The following MOCS3 variants were observed in gnomAD, a reference collection of about 807,000 sequenced individuals.
MOCS3 encodes the protein adenylyltransferase and sulfurtransferase MOCS3.
In MOCS3, 9 loss-of-function variants were observed where a neutral mutation model predicts 8.4. The ratio of observed to expected loss-of-function variants is 1.07; its 90% CI spans 0.65 to 1.87. MOCS3 has a LOEUF of 1.87. Among genes scored for constraint, MOCS3 ranks in the 40% most tolerant of loss-of-function variants. MOCS3 has a pLI of 0.00. For synonymous variants in MOCS3, 294 were observed against 272.0 expected, an observed-to-expected ratio of 1.08 and a Z score of -0.80; for missense variants, 581 against 599.7, an observed-to-expected ratio of 0.97 and a Z score of 0.33.
Position 50,960,327 on chromosome 20 carries a change from TACA to T in MOCS3, c.*103_*105del. The stretch of plus-strand genomic sequence containing the variant: ...TAATATACATAGGAGCTGGGGATTC[TACA>T]GTATCTGTGAATACGTGGACTCCTT... On this transcript the variant is annotated 3_prime_UTR_variant, in exon 1 of 1. Coordinates refer to ENST00000244051, the MANE Select transcript of MOCS3 (RefSeq NM_014484.5). 2.4e-6 allele frequency: 3 copies of T among 1,258,554 alleles called. No homozygotes were observed. Among genetic ancestry groups the T allele is most frequent in the Non-Finnish European group, 3.2e-6 (3 of 925,146 alleles). The allele number at this position is 1,258,554 out of a possible 1,614,324, so 78.0% of individuals were successfully genotyped here. A position where few individuals can be genotyped will look rare whatever the true frequency, so the allele number is the denominator to read the frequency against.
chr20:50,962,947 T>G lies in MOCS3; in HGVS notation c.*2722T>G, dbSNP rs1987132179. The G allele has an allele frequency of 2.0e-5, 3 of 152,214 alleles. No individual in the cohort carries two copies. Among genetic ancestry groups the G allele is most frequent in the Admixed American group, 6.5e-5 (1 of 15,278 alleles). The allele number at this position is 152,214 out of a possible 1,614,324, so 9.4% of individuals were successfully genotyped here. On this transcript the variant is annotated 3_prime_UTR_variant, in exon 1 of 1. Transcript: ENST00000244051. ...ATAATTTGTTTTTTGAGACGAAGTCTTGCTTCGTCGCCCAGGGTGGAGTGT... is the reference window on the plus strand; with the variant it reads ...ATAATTTGTTTTTTGAGACGAAGTCGTGCTTCGTCGCCCAGGGTGGAGTGT...
rs1444595733 is a variant in MOCS3, at chr20:50,959,325, T to TA, written c.484dup (p.Thr162AsnfsTer13). The TA allele has an allele frequency of 6.2e-7, 1 of 1,610,154 alleles. No individual in the cohort carries two copies. ...AATGCGTGCCGTACACTCAGGCCCT[T>TA]ACGCCAGCCACTGCCCTAGACCTGG... On this transcript the variant is annotated frameshift_variant, in exon 1 of 1. Coordinates refer to ENST00000244051, the MANE Select transcript of MOCS3 (RefSeq NM_014484.5). LOFTEE classifies it low-confidence loss of function (END_TRUNC).
chr20:50,959,313 C>A lies in MOCS3; in HGVS notation c.471C>A (p.Tyr157Ter). 6.2e-7 allele frequency: 1 copy of A among 1,610,002 alleles called. No individual in the cohort carries two copies. Among genetic ancestry groups the A allele is most frequent in the Non-Finnish European group, 8.5e-7 (1 of 1,178,722 alleles). Residue 157 changes from tyrosine to a stop codon, truncating the protein, a stop_gained, in exon 1 of 1, where the codon TAC becomes TAA. Transcript: ENST00000244051. LOFTEE classifies it low-confidence loss of function (END_TRUNC). ...RLNSAVECVP[Y>*]TQALTPATAL... is the part of the protein sequence containing the mutation. ...ATTCGGCAGTGGAATGCGTGCCGTA[C>A]ACTCAGGCCCTTACGCCAGCCACTG...
Position 50,959,852 on chromosome 20 carries a change from C to T in MOCS3, c.1010C>T (p.Ser337Phe), listed in dbSNP as rs45601340. The T allele has an allele frequency of 7.4e-6, 12 of 1,614,116 alleles. No homozygotes were observed. The highest frequency in any genetic ancestry group is 1.3e-5 in the African/African-American group (1 of 74,960). The change falls in exon 1 of 1, where the codon TCT becomes TTT. Residue 337 changes from serine (S) to phenylalanine (F), a missense_variant. By Grantham distance (155) the Ser-to-Phe change is radical (BLOSUM62 -2). Coordinates refer to ENST00000244051, the MANE Select transcript of MOCS3 (RefSeq NM_014484.5). Reference sequence around the variant, plus strand: ...CTACTGAGCCCAGAGGAGCGTGTTTCTGTCACCGACTATAAGCGACTGCTG... The same window carrying T: ...CTACTGAGCCCAGAGGAGCGTGTTTTTGTCACCGACTATAAGCGACTGCTG... ...LQLLSPEERV[S>F]VTDYKRLLDS...
In MOCS3 at chr20:50,962,451, AT is replaced by A. The variant is rs939106030; in HGVS notation, c.*2230del. 2.6e-5 allele frequency: 4 copies of A among 152,216 alleles called. No individual in the cohort carries two copies. Among genetic ancestry groups the A allele is most frequent in the Non-Finnish European group, 4.4e-5 (3 of 68,040 alleles). 9.4% of individuals were successfully genotyped at this position (152,216 alleles called of 1,614,324 possible). On this transcript the variant is annotated 3_prime_UTR_variant, in exon 1 of 1. Transcript: ENST00000244051. ...AGGAAGACAGAACTCATGATGTGGG[AT>A]TTTCCCAAATAGTGAAATATTTTTC... is the stretch of plus-strand genomic sequence containing the variant.
rs1396088075 is a variant in MOCS3, at chr20:50,959,838, A to G, written c.996A>G (p.Pro332=). 1 of 1,614,226 alleles carries G rather than the reference A, an allele frequency of 6.2e-7. No homozygotes were observed. Among genetic ancestry groups the G allele is most frequent in the Non-Finnish European group, 8.5e-7 (1 of 1,180,022 alleles). ...DKCRSLQLLS[P]EERVSVTDYK... is the part of the protein sequence containing the mutation. ...GCCGCTCCCTGCAACTACTGAGCCCAGAGGAGCGTGTTTCTGTCACCGACT... is the reference window on the plus strand; with the variant it reads ...GCCGCTCCCTGCAACTACTGAGCCCGGAGGAGCGTGTTTCTGTCACCGACT... The change falls in exon 1 of 1, where the codon CCA becomes CCG. Residue 332 remains proline (P), a synonymous_variant. Coordinates refer to ENST00000244051, the MANE Select transcript of MOCS3 (RefSeq NM_014484.5).
Position 50,962,624 on chromosome 20 carries a change from A to G in MOCS3, c.*2399A>G, listed in dbSNP as rs1987125453. ...GAGTGCAGCGGCACAATCTCGGCTCACTGCAACCTCCACCTCCCATGTTCA... is the reference window on the plus strand; with the variant it reads ...GAGTGCAGCGGCACAATCTCGGCTCGCTGCAACCTCCACCTCCCATGTTCA... On this transcript the variant is annotated 3_prime_UTR_variant, in exon 1 of 1. Transcript: ENST00000244051. 1 of 152,260 alleles carries G rather than the reference A, an allele frequency of 6.6e-6. No homozygotes were observed. The highest frequency in any genetic ancestry group is 1.5e-5 in the Non-Finnish European group (1 of 68,078). The allele number at this position is 152,260 out of a possible 1,614,324, so 9.4% of individuals were successfully genotyped here.
chr20:50,961,670 A>T lies in MOCS3; in HGVS notation c.*1445A>T, dbSNP rs1159332526. 6.6e-6 allele frequency: 1 copy of T among 152,210 alleles called. No individual in the cohort carries two copies. The highest frequency in any genetic ancestry group is 6.5e-5 in the Admixed American group (1 of 15,280). 9.4% of individuals were successfully genotyped at this position (152,210 alleles called of 1,614,324 possible). A position where few individuals can be genotyped will look rare whatever the true frequency, so the allele number is the denominator to read the frequency against. On this transcript the variant is annotated 3_prime_UTR_variant, in exon 1 of 1. Transcript: ENST00000244051. ...TTGTGATATAGAATCTTGTTTTATT[A>T]TAAGAGGGTGGTATTTAACAAATTC...
At position 50,963,481 on chromosome 20, in the gene MOCS3, C is replaced by T. The variant is rs1221284520; in HGVS notation, c.*3256C>T. 6.6e-6 allele frequency: 1 copy of T among 152,086 alleles called. No individual in the cohort carries two copies. The highest frequency in any genetic ancestry group is 1.5e-5 in the Non-Finnish European group (1 of 68,032). The allele number at this position is 152,086 out of a possible 1,614,324, so 9.4% of individuals were successfully genotyped here. A position where few individuals can be genotyped will look rare whatever the true frequency, so the allele number is the denominator to read the frequency against. On this transcript the variant is annotated 3_prime_UTR_variant, in exon 1 of 1. Coordinates refer to ENST00000244051, the MANE Select transcript of MOCS3 (RefSeq NM_014484.5). ...CTCAGAGATGACATTAAACCCAAAA[C>T]CTGAAAGGTGAGAAAGAGCCAGTTA...
rs759425469 is a variant in MOCS3, at chr20:50,959,637, G to T, written c.795G>T (p.Ala265=). 1.2e-6 allele frequency: 2 copies of T among 1,614,240 alleles called. No homozygotes were observed. The highest frequency in any genetic ancestry group is 1.7e-5 in the Admixed American group (1 of 60,032). The change falls in exon 1 of 1, where the codon GCG becomes GCT. Residue 265 remains alanine, a synonymous_variant. Coordinates refer to ENST00000244051, the MANE Select transcript of MOCS3 (RefSeq NM_014484.5). The stretch of plus-strand genomic sequence containing the variant: ...CCTTGGAAGTGCTGAAAATCGCTGC[G>T]GGTCTGGGCCCCTCTTACAGTGGCA... ...LQALEVLKIA[A]GLGPSYSGSL... is the part of the protein sequence containing the mutation.
Position 50,959,505 on chromosome 20 carries a change from T to C in MOCS3, c.663T>C (p.Pro221=). The C allele has an allele frequency of 6.2e-7, 1 of 1,614,110 alleles. No homozygotes were observed. Among genetic ancestry groups the C allele is most frequent in the Non-Finnish European group, 8.5e-7 (1 of 1,179,998 alleles). The change falls in exon 1 of 1, where the codon CCT becomes CCC. Residue 221 remains proline, a synonymous_variant. Transcript: ENST00000244051. ...CAGTCTACCATTATGACGGTGGCCC[T>C]TGCTATCGCTGCATATTCCCCCAAC... is the stretch of plus-strand genomic sequence containing the variant. ...QITVYHYDGG[P]CYRCIFPQPP...
Position 50,959,543 on chromosome 20 carries a change from A to T in MOCS3, c.701A>T (p.Glu234Val), listed in dbSNP as rs916177010. ...ATATTCCCCCAACCACCCCCAGCGG[A>T]GACAGTGACCAACTGCGCGGACGGC... Reference protein sequence around the residue: ...RCIFPQPPPAETVTNCADGGV... With the variant: ...RCIFPQPPPAVTVTNCADGGV... Residue 234 changes from glutamate to valine, a missense_variant, in exon 1 of 1, where the codon GAG becomes GTG. Transcript: ENST00000244051. The T allele has an allele frequency of 6.2e-7, 1 of 1,614,062 alleles. No homozygotes were observed. Among genetic ancestry groups the T allele is most frequent in the Admixed American group, 1.7e-5 (1 of 60,014 alleles).
Position 50,960,095 on chromosome 20 carries a change from C to T in MOCS3, c.1253C>T (p.Ser418Leu), listed in dbSNP as rs149569136. 1.2e-5 allele frequency: 20 copies of T among 1,614,128 alleles called. No homozygotes were observed. The African/African-American group carries it at 2.0e-4, about 16-fold the overall frequency. Reference protein sequence around the residue: ...IYVICKLGNDSQKAVKILQSL... With the variant: ...IYVICKLGNDLQKAVKILQSL... ...GTGATTTGCAAACTGGGAAATGACTCACAGAAAGCCGTGAAGATCCTCCAG... is the reference window on the plus strand; with the variant it reads ...GTGATTTGCAAACTGGGAAATGACTTACAGAAAGCCGTGAAGATCCTCCAG... Residue 418 changes from serine (S) to leucine (L), a missense_variant, in exon 1 of 1, where the codon TCA becomes TTA. Transcript: ENST00000244051.
In MOCS3 at chr20:50,959,763, T is replaced by G. The variant is rs757975192; in HGVS notation, c.921T>G (p.Thr307=). ...CAACGERPTV[T]DLLDYEAFCG... ...CTTGCGGGGAACGGCCCACTGTGACTGATCTGCTGGACTATGAAGCCTTCT... is the reference window on the plus strand; with the variant it reads ...CTTGCGGGGAACGGCCCACTGTGACGGATCTGCTGGACTATGAAGCCTTCT... Residue 307 remains threonine, a synonymous_variant, in exon 1 of 1, where the codon ACT becomes ACG. Transcript: ENST00000244051. 5.6e-6 allele frequency: 9 copies of G among 1,614,162 alleles called. No individual in the cohort carries two copies. The East Asian group carries it at 1.3e-4, about 24-fold the overall frequency.
chr20:50,960,446 G>A lies in MOCS3; in HGVS notation c.*221G>A. ...CTGAGAACCATCATTTTTTTTTTCA[G>A]CACACGGAGGATGTCTTGGACATGT... On this transcript the variant is annotated 3_prime_UTR_variant, in exon 1 of 1. Transcript: ENST00000244051. The A allele has an allele frequency of 2.1e-6, 1 of 468,556 alleles. No homozygotes were observed. Among genetic ancestry groups the A allele is most frequent in the Non-Finnish European group, 3.8e-6 (1 of 262,426 alleles). 29.0% of individuals were successfully genotyped at this position (468,556 alleles called of 1,614,324 possible).
chr20:50,960,044 A>C lies in MOCS3; in HGVS notation c.1202A>C (p.Gln401Pro). The C allele has an allele frequency of 6.2e-7, 1 of 1,614,274 alleles. No homozygotes were observed. The highest frequency in any genetic ancestry group is 1.1e-5 in the South Asian group (1 of 91,090). ...ATCTGGGAAGAGAAGCAGGGCACAC[A>C]AGAAGGGGCTGCTGTCCCCATTTAT... ...EAIWEEKQGTQEGAAVPIYVI... is the reference protein window; with the variant it reads ...EAIWEEKQGTPEGAAVPIYVI... The change falls in exon 1 of 1, where the codon CAA (glutamine) becomes CCA (proline). Residue 401 changes from glutamine to proline, a missense_variant. Physicochemically the swap from Gln to Pro is moderately conservative, Grantham distance 76 (BLOSUM62 -1). Coordinates refer to ENST00000244051, the MANE Select transcript of MOCS3 (RefSeq NM_014484.5).
In MOCS3 at chr20:50,959,354, G is replaced by T; in HGVS notation, c.512G>T (p.Arg171Leu). 1 of 1,610,914 alleles carries T rather than the reference G, an allele frequency of 6.2e-7. No individual in the cohort carries two copies. ...CCAGCCACTGCCCTAGACCTGGTCC[G>T]CCGATATGATGTGGTGGCTGACTGC... Reference protein sequence around the residue: ...LTPATALDLVRRYDVVADCSD... With the variant: ...LTPATALDLVLRYDVVADCSD... The change falls in exon 1 of 1, where the codon CGC becomes CTC. Residue 171 changes from arginine (R) to leucine (L), a missense_variant. By Grantham distance (102) the Arg-to-Leu change is moderately radical (BLOSUM62 -2). Transcript: ENST00000244051.
chr20:50,959,789 G>A lies in MOCS3; in HGVS notation c.947G>A (p.Cys316Tyr), dbSNP rs566811112. Residue 316 changes from cysteine to tyrosine, a missense_variant, in exon 1 of 1, where the codon TGT (cysteine) becomes TAT (tyrosine). Transcript: ENST00000244051. ...VTDLLDYEAF[C>Y]GSSATDKCRS... ...GATCTGCTGGACTATGAAGCCTTCT[G>A]TGGCTCCTCAGCCACTGATAAATGC... The A allele has an allele frequency of 3.9e-4, 624 of 1,614,256 alleles. 10 individuals are homozygous for A. The South Asian group carries it at 5.6e-3, about 14-fold the overall frequency.
rs1987088095 is a variant in MOCS3 at position 50,960,747 on chromosome 20, T to A, written c.*522T>A. ...TTTTGAATTAGTATCAAAATGAGATTTTTTTTTTTTTTTTGAGATGGAATC... is the reference window on the plus strand; with the variant it reads ...TTTTGAATTAGTATCAAAATGAGATATTTTTTTTTTTTTTGAGATGGAATC... On this transcript the variant is annotated 3_prime_UTR_variant, in exon 1 of 1. Coordinates refer to ENST00000244051, the MANE Select transcript of MOCS3 (RefSeq NM_014484.5). 1 of 158,836 alleles carries A rather than the reference T, an allele frequency of 6.3e-6. No homozygotes were observed. Among genetic ancestry groups the A allele is most frequent in the African/African-American group, 2.5e-5 (1 of 40,678 alleles). The allele number at this position is 158,836 out of a possible 1,614,324, so 9.8% of individuals were successfully genotyped here. A position where few individuals can be genotyped will look rare whatever the true frequency, so the allele number is the denominator to read the frequency against.
Sources: gnomAD v4.1 joint callset for allele counts on GRCh38, gnomAD v4.1.1 for gene constraint, MANE v1.5 for transcripts, NCBI Gene and HGNC (gene_info 2026-07-23, HGNC 2026-07-21) for gene names.